Variants in LRRIQ1 observed in about 807,000 individuals in gnomAD.
LRRIQ1 encodes leucine-rich repeat- and IQ domain-containing protein 1.
In LRRIQ1, 210 loss-of-function variants were observed where a neutral mutation model predicts 211.9. The observed-to-expected ratio is 0.99, with a 90% CI of 0.89 to 1.11. The LOEUF (loss-of-function observed/expected upper bound fraction) is 1.11. Ranked by LOEUF, LRRIQ1 falls within the 50% of genes most tolerant of loss-of-function variation. The pLI, the probability that LRRIQ1 is intolerant of heterozygous loss-of-function variation, is 0.00. For synonymous variants in LRRIQ1, 699 were observed against 650.1 expected (o/e 1.08, Z -1.14); for missense variants, 2,136 against 1,939.5 (o/e 1.10, Z -1.90).
chr12:85,075,203 T>A (rs1367177229), intron 11 of LRRIQ1, among the ~76,000 whole-genome samples: 2 of 151,992 alleles, frequency 1.3e-5, no homozygotes, highest in East Asian at 3.9e-4. Flanking sequence ...TCCTAGCACT[T>A]TGGGAGGCTG....
the LRRIQ1 span, among the ~76,000 whole-genome samples, chr12:85,271,183 A>T: frequency 6.6e-6 from 1 of 152,316 alleles, no homozygotes; most frequent in South Asian, 2.1e-4. Context: ...AACTATTGTG[A>T]GCATTAAAGA....
At chr12:85,067,044 A>G in intron 10 of LRRIQ1, 146 bp downstream of exon 10, 1 of 450,810 alleles carries the variant, frequency 2.2e-6, no homozygotes, top group East Asian at 3.8e-5. Context: ...AAAAAAATAA[A>G]ATTACTTTTA....
chr12:85,110,958 A>G (rs1887129283), intron 15 of LRRIQ1, among the ~76,000 whole-genome samples: 1 of 152,086 alleles, frequency 6.6e-6, no homozygotes, highest in Admixed American at 6.6e-5. Context: ...TGTAATTGTC[A>G]TTCTCATTTT....
downstream of LRRIQ1, among the ~76,000 whole-genome samples, chr12:85,246,030 G>C (rs1007851452): frequency 6.6e-6 from 1 of 150,748 alleles, no homozygotes; most frequent in African/African-American, 2.4e-5. Flanking sequence ...CCAAGTACTT[G>C]GCTTTATTAG....
intron 14 of LRRIQ1, among the ~76,000 whole-genome samples, chr12:85,104,678 T>C (rs756291755): frequency 6.6e-6 from 1 of 152,016 alleles, no homozygotes; most frequent in African/African-American, 2.4e-5. Context: ...TATCACAGTT[T>C]GTTTATCCAT....
chr12:85,243,996 T>C (rs964337951), intron 26 of LRRIQ1, among the ~76,000 whole-genome samples: 1 of 151,602 alleles, frequency 6.6e-6, no homozygotes, highest in Non-Finnish European at 1.5e-5. Context: ...GTGGTTTTGG[T>C]TAAATCCCAG....
intron 24 of LRRIQ1, among the ~76,000 whole-genome samples, chr12:85,198,033 C>CATGTATTATGT (rs1893064121): frequency 1.5e-5 from 1 of 66,434 alleles, no homozygotes; most frequent in African/African-American, 1.0e-4. Flanking sequence ...TTATATATAA[C>CATGTATTATGT]ATATATAATA....
chr12:85,092,326 A>C (rs74111264), intron 11 of LRRIQ1, among the ~76,000 whole-genome samples: 35,861 of 152,102 alleles, frequency 0.24, 4,818 homozygotes, highest in African/African-American at 0.34. Flanking sequence ...CACTTATTTT[A>C]GTCTGTGTGT....
intron 24 of LRRIQ1, among the ~76,000 whole-genome samples, chr12:85,201,780 T>A (rs1893313252): frequency 6.6e-6 from 1 of 152,150 alleles, no homozygotes; most frequent in African/African-American, 2.4e-5. Flanking sequence ...GTTTGTTAAT[T>A]TCCTTCAGTT....
chr12:85,079,118 A>G (rs1207569560), intron 11 of LRRIQ1, among the ~76,000 whole-genome samples: 1 of 152,110 alleles, frequency 6.6e-6, no homozygotes, highest in East Asian at 1.9e-4. Context: ...GTGAAAAACC[A>G]AATAGCATTT....
At chr12:85,234,659 A>G (rs1895092409) in intron 26 of LRRIQ1, among the ~76,000 whole-genome samples, 1 of 152,144 alleles carries the variant, frequency 6.6e-6, no homozygotes, top group South Asian at 2.1e-4. Flanking sequence ...TAATTACACA[A>G]TCGGTACAAG....
Position 85,056,254 on chromosome 12 carries a change from A to G in LRRIQ1, c.1461A>G (p.Leu487=), listed in dbSNP as rs1881044320. The stretch of plus-strand genomic sequence containing the variant: ...AAATGGAAGAAAAAAATGAAAACCT[A>G]GCAAAAAAACGATGTTCAGAAGAAT... ...DFKMEEKNEN[L]AKKRCSEELV... The change falls in exon 8 of 27, where the codon CTA becomes CTG. Residue 487 remains leucine, a synonymous_variant. Coordinates refer to ENST00000393217, the MANE Select transcript of LRRIQ1 (RefSeq NM_001079910.2). 2.5e-6 allele frequency: 4 copies of G among 1,573,730 alleles called. No individual in the cohort carries two copies. In the South Asian group the frequency reaches 4.8e-5, roughly 19 times the overall value.
At chr12:85,187,840 T>C (rs996110680) in intron 24 of LRRIQ1, among the ~76,000 whole-genome samples, 5 of 148,034 alleles carry the variant, frequency 3.4e-5, no homozygotes, top group African/African-American at 1.2e-4. Context: ...AGAAAATAGG[T>C]CTGATCTTTT....
At chr12:85,152,248 A>C in intron 19 of LRRIQ1, 32 bp from the exon 20 acceptor site, 2 of 1,554,222 alleles carry the variant, frequency 1.3e-6, no homozygotes, top group Non-Finnish European at 1.8e-6. Flanking sequence ...TATGTAAGCT[A>C]AATTACATAC....
chr12:85,222,133 G>A lies in LRRIQ1; in HGVS notation c.4823-7384G>A, dbSNP rs79291122. Among the ~76,000 whole-genome samples the A allele has an allele frequency of 2.4e-3, 358 of 152,294 alleles. 2 individuals are homozygous for A. In the Middle Eastern group the frequency reaches 0.037, roughly 16 times the overall value. On this transcript the variant is annotated intron_variant, in intron 24 of 26. Coordinates refer to ENST00000393217, the MANE Select transcript of LRRIQ1 (RefSeq NM_001079910.2). Reference sequence around the variant, plus strand: ...AGTGATAGCATTATAGAAAATTTAGGAAAAGGTTAAATAATAAACATGAGT... The same window carrying A: ...AGTGATAGCATTATAGAAAATTTAGAAAAAGGTTAAATAATAAACATGAGT...
chr12:85,153,801 A>T (rs932064995), intron 22 of LRRIQ1, 43 bp downstream of exon 22: 11 of 1,261,654 alleles, frequency 8.7e-6, no homozygotes, highest in Non-Finnish European at 1.2e-5. Context: ...AAATTGAGAG[A>T]TTGCTAAAAG....
chr12:85,140,055 A>C (rs1889415322), intron 19 of LRRIQ1, among the ~76,000 whole-genome samples: 1 of 151,338 alleles, frequency 6.6e-6, no homozygotes, highest in African/African-American at 2.4e-5. Flanking sequence ...TCATGAAAAC[A>C]ATGTAAATGC....
intron 1 of LRRIQ1, among the ~76,000 whole-genome samples, chr12:85,256,804 A>T (rs1045619820): frequency 2.0e-5 from 3 of 150,896 alleles, no homozygotes; most frequent in Non-Finnish European, 4.4e-5. Flanking sequence ...TGAATATGTA[A>T]ATAGAAGAAA....
At chr12:85,238,160 G>T (rs900907182) in intron 26 of LRRIQ1, among the ~76,000 whole-genome samples, 2 of 151,378 alleles carry the variant, frequency 1.3e-5, no homozygotes, top group African/African-American at 4.9e-5. Context: ...TAATAAATTA[G>T]ACATTGGGAA....
Sources: gnomAD v4.1 joint callset for allele counts (sites outside exome capture counted in the v4.1 genomes callset) on GRCh38, gnomAD v4.1.1 for gene constraint, MANE v1.5 for transcripts, NCBI Gene and HGNC (gene_info 2026-07-23, HGNC 2026-07-21) for gene names.